WIF1: variants seen among roughly 807,000 people sequenced by gnomAD.
WIF1 encodes the protein Wnt inhibitory factor 1.
A neutral mutation model predicts 53.5 loss-of-function variants in WIF1; 35 were observed. That is an observed-to-expected ratio of 0.65 (90% CI 0.50 to 0.87). The LOEUF (loss-of-function observed/expected upper bound fraction) is 0.87. WIF1 is among the 40% of genes least tolerant of loss of function. The pLI is 0.00. For missense variants in WIF1, 467 were observed against 476.8 expected (o/e 0.98, Z 0.19); for synonymous variants, 171 against 170.4 (o/e 1.00, Z -0.03).
intron 2 of WIF1, among the ~76,000 whole-genome samples, chr12:65,117,706 A>G (rs1255016644): frequency 6.6e-6 from 1 of 152,194 alleles, no homozygotes; most frequent in Admixed American, 6.5e-5. Flanking sequence ...AGACGGTCCT[A>G]TATGGAGGTG....
intron 2 of WIF1, among the ~76,000 whole-genome samples, chr12:65,106,374 T>TA (rs201665563): frequency 4.3e-3 from 556 of 130,640 alleles, no homozygotes; most frequent in African/African-American, 0.015. Flanking sequence ...TATATATATA[T>TA]TTTTTTTTAT....
chr12:65,057,299 A>C (rs1882544073), intron 7 of WIF1, among the ~76,000 whole-genome samples: 1 of 152,200 alleles, frequency 6.6e-6, no homozygotes, highest in African/African-American at 2.4e-5. Context: ...CCATAATGAT[A>C]CTTGGTAATT....
intron 6 of WIF1, among the ~76,000 whole-genome samples, chr12:65,064,064 G>A (rs1173064219): frequency 6.6e-6 from 1 of 152,176 alleles, no homozygotes; most frequent in African/African-American, 2.4e-5. Flanking sequence ...AGTTGTTTTT[G>A]TAAGTGTGTC....
intron 9 of WIF1, 124 bp downstream of exon 9, chr12:65,054,994 A>T (rs1181244756): frequency 2.2e-6 from 2 of 920,082 alleles, no homozygotes; most frequent in East Asian, 5.2e-5. Flanking sequence ...GCTGAGTTAT[A>T]GGTTGACTGT....
intron 2 of WIF1, among the ~76,000 whole-genome samples, chr12:65,115,537 T>C (rs1374081823): frequency 6.6e-6 from 1 of 152,244 alleles, no homozygotes; most frequent in Non-Finnish European, 1.5e-5. Flanking sequence ...TTGTTGCTCA[T>C]GGCCCCTGCC....
Position 65,121,255 on chromosome 12 carries a change from G to A in WIF1, c.-64C>T. On this transcript the variant is annotated 5_prime_UTR_variant, in exon 1 of 10. The change creates a new upstream start codon in the 5' untranslated region. Coordinates refer to ENST00000286574, the MANE Select transcript of WIF1 (RefSeq NM_007191.5). ...TGCCGCACCTACGCAACCTGGCGCCGTCAGATACTCTGCTGCGCTGCAGCT... is the reference window on the plus strand; with the variant it reads ...TGCCGCACCTACGCAACCTGGCGCCATCAGATACTCTGCTGCGCTGCAGCT... 11 of 1,375,000 alleles carry A rather than the reference G, an allele frequency of 8.0e-6. No individual in the cohort carries two copies. The highest frequency in any genetic ancestry group is 9.5e-6 in the Non-Finnish European group (10 of 1,056,458). 85.2% of individuals were successfully genotyped at this position (1,375,000 alleles called of 1,614,324 possible).
At position 65,077,868 on chromosome 12, in the gene WIF1, C is replaced by T. The variant is rs1459601924; in HGVS notation, c.289-14G>A. The T allele has an allele frequency of 1.3e-6, 2 of 1,598,164 alleles. No individual in the cohort carries two copies. The highest frequency in any genetic ancestry group is 1.7e-6 in the Non-Finnish European group (2 of 1,166,562). ...GAAGTATTCTGCCTACAACCAAAGG[C>T]ACTGACAGTTAGTAACATGGAAACC... On this transcript the variant is annotated splice_polypyrimidine_tract_variant and intron_variant, in intron 2 of 9. Transcript: ENST00000286574.
chr12:65,098,197 A>G (rs189072703), intron 2 of WIF1, among the ~76,000 whole-genome samples: 1 of 152,284 alleles, frequency 6.6e-6, no homozygotes, highest in Admixed American at 6.5e-5. Context: ...AAATAGCACT[A>G]TTTTTAAACA....
chr12:65,087,150 G>A (rs796562562), intron 2 of WIF1, among the ~76,000 whole-genome samples: 17 of 152,036 alleles, frequency 1.1e-4, no homozygotes, highest in African/African-American at 3.9e-4. Context: ...ACTCCATCGC[G>A]GGGGAAAAAA....
intron 2 of WIF1, among the ~76,000 whole-genome samples, chr12:65,113,123 C>A (rs1474055619): frequency 6.6e-6 from 1 of 152,218 alleles, no homozygotes; most frequent in East Asian, 1.9e-4. Flanking sequence ...CACGGGAGAA[C>A]AACTTGCCAT....
At chr12:65,097,650 G>A (rs764751817) in intron 2 of WIF1, among the ~76,000 whole-genome samples, 1 of 152,012 alleles carries the variant, frequency 6.6e-6, no homozygotes, top group Non-Finnish European at 1.5e-5. Context: ...ACTAGTCTAC[G>A]TTTCTTTTCC....
chr12:65,067,871 G>C (rs1592390090), intron 4 of WIF1, 81 bp from the exon 5 acceptor site: 1 of 1,159,802 alleles, frequency 8.6e-7, no homozygotes, highest in African/African-American at 1.5e-5. Flanking sequence ...AGACAGTAGT[G>C]TTCATTTCTG....
chr12:65,113,974 T>C (rs1462141256), intron 2 of WIF1, among the ~76,000 whole-genome samples: 1 of 152,052 alleles, frequency 6.6e-6, no homozygotes, highest in Non-Finnish European at 1.5e-5. Flanking sequence ...AGTGCAAAGG[T>C]ATGAAACCAC....
At chr12:65,056,403 T>G (rs1882528064) in intron 7 of WIF1, among the ~76,000 whole-genome samples, 1 of 93,124 alleles carries the variant, frequency 1.1e-5, no homozygotes, top group East Asian at 4.0e-4. Context: ...TTTTTTTTTT[T>G]TAAGTAAAGA....
chr12:65,073,631 T>A (rs1592391865), intron 3 of WIF1, among the ~76,000 whole-genome samples: 1 of 152,166 alleles, frequency 6.6e-6, no homozygotes, highest in African/African-American at 2.4e-5. Flanking sequence ...AAAAGAACAG[T>A]TTAGCAGCTT....
intron 2 of WIF1, among the ~76,000 whole-genome samples, chr12:65,100,019 T>C (rs957782985): frequency 5.9e-5 from 9 of 152,300 alleles, no homozygotes; most frequent in African/African-American, 2.2e-4. Context: ...AACTCTGTTA[T>C]TTAAAAATAT....
intron 3 of WIF1, among the ~76,000 whole-genome samples, chr12:65,074,626 TG>T (rs796933596): frequency 1.1e-4 from 16 of 151,796 alleles, no homozygotes; most frequent in African/African-American, 3.6e-4. Context: ...GAGACCTGCC[TG>T]GCCAACATGG....
At chr12:65,102,365 C>G (rs1392226951) in intron 2 of WIF1, among the ~76,000 whole-genome samples, 1 of 152,074 alleles carries the variant, frequency 6.6e-6, no homozygotes, top group Non-Finnish European at 1.5e-5. Flanking sequence ...TAGTTCCAGT[C>G]TGATGGCCCT....
intron 3 of WIF1, among the ~76,000 whole-genome samples, chr12:65,070,480 C>T (rs1306039943): frequency 6.6e-6 from 1 of 152,102 alleles, no homozygotes; most frequent in Non-Finnish European, 1.5e-5. Context: ...AAGGAATTGA[C>T]AAGTAATTTC....
Sources: gnomAD v4.1 joint callset for allele counts (sites outside exome capture counted in the v4.1 genomes callset) on GRCh38, gnomAD v4.1.1 for gene constraint, MANE v1.5 for transcripts, NCBI Gene and HGNC (gene_info 2026-07-23, HGNC 2026-07-21) for gene names.